The following EYS variants were observed in gnomAD, a reference collection of about 807,000 sequenced individuals.
EYS encodes EGF-like photoreceptor maintenance factor.
In EYS, 250 loss-of-function variants were observed where a neutral mutation model predicts 282.1. That is an observed-to-expected ratio of 0.89 (90% CI 0.80 to 0.98). The LOEUF (loss-of-function observed/expected upper bound fraction) is 0.98, where lower values mean the gene tolerates loss of function less well. EYS is among the 50% of genes least tolerant of loss of function. The pLI is 0.00. For missense variants in EYS, 4,016 were observed against 3,709.0 expected (o/e 1.08, Z -2.15); for synonymous variants, 1,355 against 1,282.9 (o/e 1.06, Z -1.20).
intron 2 of EYS, among the ~76,000 whole-genome samples, chr6:65,621,937 T>C (rs1207933588): frequency 6.6e-6 from 1 of 152,190 alleles, no homozygotes; most frequent in African/African-American, 2.4e-5. Flanking sequence ...GGTGTTATGC[T>C]TTCACTAATC....
intron 12 of EYS, among the ~76,000 whole-genome samples, chr6:65,121,848 G>T (rs1194226884): frequency 6.6e-6 from 1 of 151,868 alleles, no homozygotes; most frequent in African/African-American, 2.4e-5. Context: ...ATTTACTTAG[G>T]TTATTTTCAT....
At position 64,587,904 on chromosome 6, in the gene EYS, A is replaced by G. The variant is rs554832425; in HGVS notation, c.5644+2319T>C. ...GTATACCATTGATTGATTTTTGACAAGGTGTAAAAGTAATTTCATGGATAA... is the reference window on the plus strand; with the variant it reads ...GTATACCATTGATTGATTTTTGACAGGGTGTAAAAGTAATTTCATGGATAA... On this transcript the variant is annotated intron_variant, in intron 26 of 42. Transcript: ENST00000503581. 2.0e-5 allele frequency among the ~76,000 whole-genome samples: 3 copies of G among 152,188 alleles called. No individual in the cohort carries two copies. In the East Asian group the frequency reaches 5.8e-4, roughly 29 times the overall value.
chr6:64,491,784 G>A (rs756805099), intron 26 of EYS, among the ~76,000 whole-genome samples: 1 of 150,714 alleles, frequency 6.6e-6, no homozygotes, highest in African/African-American at 2.4e-5. Context: ...ATGTTATAAA[G>A]GTGACTTTGT....
intron 19 of EYS, among the ~76,000 whole-genome samples, chr6:64,868,977 T>C (rs1411195941): frequency 6.6e-6 from 1 of 151,572 alleles, no homozygotes; most frequent in East Asian, 1.9e-4. Flanking sequence ...ATATACTTAA[T>C]TGAATAAGTA....
At chr6:63,826,845 C>CAAAAAAAAAAAAAAAAAAAAAGGAAAAA (rs59957107) in intron 36 of EYS, among the ~76,000 whole-genome samples, 1 of 76,762 alleles carries the variant, frequency 1.3e-5, no homozygotes. Flanking sequence ...AGTTAAAAAG[C>CAAAAAAAAAAAAAAAAAAAAAGGAAAAA]AAAAAAAAAA....
At chr6:65,106,241 C>A (rs925824931) in intron 12 of EYS, among the ~76,000 whole-genome samples, 1 of 151,926 alleles carries the variant, frequency 6.6e-6, no homozygotes, top group African/African-American at 2.4e-5. Flanking sequence ...TATTTCCTTT[C>A]TTTTAACATA....
At chr6:64,836,708 G>T (rs1214907854) in intron 19 of EYS, among the ~76,000 whole-genome samples, 2 of 151,578 alleles carry the variant, frequency 1.3e-5, no homozygotes, top group Non-Finnish European at 3.0e-5. Flanking sequence ...TCTGCAATTT[G>T]TGAAAACTTG....
chr6:65,539,147 G>T (rs1033374920), intron 2 of EYS, among the ~76,000 whole-genome samples: 2 of 152,074 alleles, frequency 1.3e-5, no homozygotes, highest in African/African-American at 4.8e-5. Flanking sequence ...CATTAATTCT[G>T]CTTCTCCAGT....
chr6:64,893,030 C>T (rs1767336263), intron 18 of EYS, among the ~76,000 whole-genome samples: 1 of 151,614 alleles, frequency 6.6e-6, no homozygotes, highest in Non-Finnish European at 1.5e-5. Flanking sequence ...TCTTTAAATG[C>T]ACTAGCCACT....
intron 2 of EYS, among the ~76,000 whole-genome samples, chr6:65,517,598 T>A (rs996684460): frequency 1.3e-5 from 2 of 152,048 alleles, no homozygotes; most frequent in African/African-American, 4.8e-5. Context: ...ATTTTGGGCT[T>A]TTTATCAACT....
chr6:64,138,349 C>CA (rs1205077149), intron 31 of EYS, among the ~76,000 whole-genome samples: 2 of 151,884 alleles, frequency 1.3e-5, no homozygotes, highest in Admixed American at 6.6e-5. Context: ...GAGAAAGAAA[C>CA]AAGATATTGG....
chr6:64,757,821 G>T (rs1449480125), intron 22 of EYS, among the ~76,000 whole-genome samples: 1 of 149,316 alleles, frequency 6.7e-6, no homozygotes. Flanking sequence ...GTCTCGCTCT[G>T]TCGCCCAGGC....
intron 28 of EYS, among the ~76,000 whole-genome samples, chr6:64,401,523 CACT>C (rs1773536258): frequency 6.6e-6 from 1 of 151,898 alleles, no homozygotes. Flanking sequence ...GATGAAGACA[CACT>C]TTTTTTATTG....
At chr6:63,745,182 A>C (rs1264761535) in intron 41 of EYS, among the ~76,000 whole-genome samples, 3 of 152,254 alleles carry the variant, frequency 2.0e-5, no homozygotes, top group Non-Finnish European at 4.4e-5. Context: ...CATGTGGACA[A>C]GAGAGAAGCC....
At chr6:64,304,584 TTC>T (rs1769367345) in intron 30 of EYS, among the ~76,000 whole-genome samples, 1 of 48,990 alleles carries the variant, frequency 2.0e-5, no homozygotes, top group Admixed American at 1.9e-4. Flanking sequence ...AAATTATCTT[TTC>T]TGATCACAAT....
chr6:64,201,876 G>C (rs948310468), intron 31 of EYS, among the ~76,000 whole-genome samples: 1 of 152,100 alleles, frequency 6.6e-6, no homozygotes, highest in Non-Finnish European at 1.5e-5. Context: ...TTGTTCCCCA[G>C]GGAGCATTTG....
At chr6:63,966,513 A>G (rs1011813604) in intron 35 of EYS, among the ~76,000 whole-genome samples, 2 of 152,310 alleles carry the variant, frequency 1.3e-5, no homozygotes, top group South Asian at 2.1e-4. Context: ...TTATGGAAAA[A>G]AAAACTGGTT....
intron 31 of EYS, among the ~76,000 whole-genome samples, chr6:64,118,459 T>C (rs1773463978): frequency 6.6e-6 from 1 of 152,102 alleles, no homozygotes; most frequent in African/African-American, 2.4e-5. Context: ...CTTCAACAAA[T>C]GGTGCTGGGA....
At chr6:64,856,330 C>T (rs896418232) in intron 19 of EYS, among the ~76,000 whole-genome samples, 20 of 152,024 alleles carry the variant, frequency 1.3e-4, no homozygotes, top group African/African-American at 4.8e-4. Flanking sequence ...GAAAGGGTCT[C>T]ACTCTCATCA....
Sources: allele counts gnomAD v4.1 joint callset (sites outside exome capture counted in the v4.1 genomes callset), GRCh38; gene constraint gnomAD v4.1.1; transcripts MANE v1.5; gene names NCBI Gene and HGNC (gene_info 2026-07-23, HGNC 2026-07-21).